BRD4: variants seen among roughly 807,000 people sequenced by gnomAD.
BRD4 encodes the protein bromodomain containing 4.
A neutral mutation model predicts 142.1 loss-of-function variants in BRD4; 16 were observed. The observed-to-expected ratio is 0.11, with a 90% CI of 0.08 to 0.17. The LOEUF is 0.17. Ranked by LOEUF, BRD4 falls within the 10% of genes least tolerant of loss-of-function variation. BRD4 has a pLI of 1.00. For synonymous variants in BRD4, 833 were observed against 707.5 expected (o/e 1.18, Z -2.82); for missense variants, 1,424 against 1,810.9 (o/e 0.79, Z 3.88).
intron 1 of BRD4, among the ~76,000 whole-genome samples, chr19:15,286,216 C>G (rs991265930): frequency 6.6e-6 from 1 of 152,308 alleles, no homozygotes; most frequent in Admixed American, 6.5e-5. Context: ...CCCTCCACCC[C>G]GAGCAGATGA....
intron 3 of BRD4, 131 bp downstream of exon 3, chr19:15,268,774 G>A (rs1265188947): frequency 2.1e-6 from 2 of 972,982 alleles, no homozygotes; most frequent in African/African-American, 3.3e-5. Context: ...CTACCTCCAA[G>A]GGTCTCCTCT....
chr19:15,312,098 C>T (rs750289539), intron 1 of BRD4, among the ~76,000 whole-genome samples: 2 of 152,148 alleles, frequency 1.3e-5, no homozygotes, highest in Non-Finnish European at 2.9e-5. Flanking sequence ...TGGGTTCAGC[C>T]GACATTCCTC....
intron 8 of BRD4, among the ~76,000 whole-genome samples, chr19:15,256,760 A>G (rs2047413589): frequency 6.6e-6 from 1 of 152,024 alleles, no homozygotes; most frequent in Admixed American, 6.6e-5. Context: ...CCCATCCCCA[A>G]CCGCAAGCTC....
At position 15,256,227 on chromosome 19, in the gene BRD4, G is replaced by A; in HGVS notation, c.1588C>T (p.Gln530Ter). The A allele has an allele frequency of 6.2e-7, 1 of 1,613,174 alleles. No homozygotes were observed. Among genetic ancestry groups the A allele is most frequent in the Non-Finnish European group, 8.5e-7 (1 of 1,179,980 alleles). The change falls in exon 9 of 20, where the codon CAG becomes TAG. Residue 530 changes from glutamine (Q) to a stop codon, truncating the protein, a stop_gained. Coordinates refer to ENST00000679869, the MANE Select transcript of BRD4 (RefSeq NM_001379291.1). LOFTEE classifies it high-confidence loss of function. ...TTCTTTGGTTTGTTCTGCTGGGGCT[G>A]AGAGAGGGCTGCAAGCTGCTCGTGC... is the stretch of plus-strand genomic sequence containing the variant. ...AVHEQLAALSQPQQNKPKKKE... is the reference protein window; with the variant it reads ...AVHEQLAALS
intron 1 of BRD4, among the ~76,000 whole-genome samples, chr19:15,320,730 G>C (rs977487977): frequency 1.3e-5 from 2 of 152,136 alleles, no homozygotes; most frequent in African/African-American, 4.8e-5. Flanking sequence ...TTCTATGCCT[G>C]ACACAGGTAA....
intron 1 of BRD4, among the ~76,000 whole-genome samples, chr19:15,312,798 G>T (rs1488109592): frequency 6.6e-6 from 1 of 152,130 alleles, no homozygotes; most frequent in African/African-American, 2.4e-5. Flanking sequence ...AGCCGGGCGT[G>T]GGGGCGCGTG....
intron 1 of BRD4, among the ~76,000 whole-genome samples, chr19:15,315,371 T>A (rs2048007915): frequency 6.6e-6 from 1 of 152,096 alleles, no homozygotes; most frequent in Non-Finnish European, 1.5e-5. Context: ...CTCACTGTCA[T>A]GTCTGCAGTG....
At chr19:15,271,958 A>ACACCAGTGGCTCTGGTGTGCACC (rs2047592748) in intron 2 of BRD4, among the ~76,000 whole-genome samples, 1 of 151,654 alleles carries the variant, frequency 6.6e-6, no homozygotes, top group Non-Finnish European at 1.5e-5. Flanking sequence ...TGGTGTGCAC[A>ACACCAGTGGCTCTGGTGTGCACC]CACCAGTCTG....
At chr19:15,311,857 A>G (rs2047973945) in intron 1 of BRD4, among the ~76,000 whole-genome samples, 1 of 152,208 alleles carries the variant, frequency 6.6e-6, no homozygotes, top group Admixed American at 6.5e-5. Context: ...GATTCTACTT[A>G]TATGAATAAC....
At chr19:15,301,432 G>A (rs1053948113) in intron 1 of BRD4, among the ~76,000 whole-genome samples, 3 of 151,998 alleles carry the variant, frequency 2.0e-5, no homozygotes, top group African/African-American at 7.3e-5. Flanking sequence ...ATGGTGGTGC[G>A]CACCTGTAAT....
Position 15,239,212 on chromosome 19 carries a change from G to A in BRD4, c.3629C>T (p.Pro1210Leu), listed in dbSNP as rs1489035830. 5 of 1,612,912 alleles carry A rather than the reference G, an allele frequency of 3.1e-6. No individual in the cohort carries two copies. Among genetic ancestry groups the A allele is most frequent in the Non-Finnish European group, 3.4e-6 (4 of 1,180,020 alleles). ...GSWASLVQKH[P>L]TTPSSTAKSS... ...CTTGGCTGTGGAGGAGGGGGTGGTC[G>A]GATGCTTCTGCACTAGGCTGGCCCA... Residue 1210 changes from proline (P) to leucine (L), a missense_variant, in exon 18 of 20, where the codon CCG (proline) becomes CTG (leucine). By Grantham distance (98) the Pro-to-Leu change is moderately conservative. Coordinates refer to ENST00000679869, the MANE Select transcript of BRD4 (RefSeq NM_001379291.1). This position sits in a 1 kb window ranked among gnomAD's most constrained non-coding sequence, Gnocchi z 7.4.
At position 15,239,282 on chromosome 19, in the gene BRD4, T is replaced by TG; in HGVS notation, c.3577-19dup. On this transcript the variant is annotated intron_variant, in intron 17 of 19. Coordinates refer to ENST00000679869, the MANE Select transcript of BRD4 (RefSeq NM_001379291.1). This position sits in a 1 kb window ranked among gnomAD's most constrained non-coding sequence, Gnocchi z 7.4. ...TTCAGGTCCTGCAGAACAGAGAGGT[T>TG]GGGGTGGGTGAGGGGTCTGCTGTGC... The TG allele has an allele frequency of 6.2e-7, 1 of 1,612,304 alleles. No homozygotes were observed. Among genetic ancestry groups the TG allele is most frequent in the East Asian group, 2.2e-5 (1 of 44,810 alleles).
intron 14 of BRD4, among the ~76,000 whole-genome samples, chr19:15,240,609 G>C (rs866622895): frequency 6.6e-6 from 1 of 152,226 alleles, no homozygotes; most frequent in African/African-American, 2.4e-5. Flanking sequence ...GTGGGGAGCA[G>C]GCGGAAAAGG....
At chr19:15,268,465 C>T (rs773428738) in intron 3 of BRD4, among the ~76,000 whole-genome samples, 4 of 147,052 alleles carry the variant, frequency 2.7e-5, no homozygotes, top group East Asian at 2.0e-4. Flanking sequence ...AGCTCTGCGC[C>T]GGCCCCATCA....
Position 15,243,196 on chromosome 19 carries a change from AG to A in BRD4, c.2872del (p.Leu958CysfsTer110). 5.8e-4 allele frequency: 21 copies of A among 36,066 alleles called. No homozygotes were observed. The highest frequency in any genetic ancestry group is 8.2e-4 in the Non-Finnish European group (19 of 23,036). The allele number at this position is 36,066 out of a possible 1,614,324, so 2.2% of individuals were successfully genotyped here. Reference sequence around the variant, plus strand: ...CACAGAGGGGTGGGGTGGGGGCGGCAGGGGGGGTGGGGGCTGGGACTGCACC... The same window carrying A: ...CACAGAGGGGTGGGGTGGGGGCGGCAGGGGGGTGGGGGCTGGGACTGCACC... ...VKVQSQPPPP[L>X]PPPPHPSVQQ... On this transcript the variant is annotated frameshift_variant, in exon 14 of 20. Coordinates refer to ENST00000679869, the MANE Select transcript of BRD4 (RefSeq NM_001379291.1). LOFTEE classifies it high-confidence loss of function.
chr19:15,262,930 AC>A (rs1370870577), intron 7 of BRD4, among the ~76,000 whole-genome samples: 1 of 152,074 alleles, frequency 6.6e-6, no homozygotes, highest in Non-Finnish European at 1.5e-5. Flanking sequence ...ACTGTGCACC[AC>A]CCAGGCTCTC....
intron 1 of BRD4, among the ~76,000 whole-genome samples, chr19:15,276,489 G>A (rs998217535): frequency 6.6e-6 from 1 of 151,866 alleles, no homozygotes; most frequent in Non-Finnish European, 1.5e-5. Flanking sequence ...TGCAGACATA[G>A]GCTCACAGAC....
At chr19:15,276,490 G>C (rs1029651456) in intron 1 of BRD4, among the ~76,000 whole-genome samples, 2 of 151,948 alleles carry the variant, frequency 1.3e-5, no homozygotes, top group Admixed American at 6.6e-5. Context: ...GCAGACATAG[G>C]CTCACAGACT....
In BRD4 at chr19:15,295,736, C is replaced by T. The variant is rs1443829875; in HGVS notation, c.-34-22603G>A. On this transcript the variant is annotated intron_variant, in intron 1 of 19. Coordinates refer to ENST00000679869, the MANE Select transcript of BRD4 (RefSeq NM_001379291.1). The stretch of plus-strand genomic sequence containing the variant: ...CTGTAATCGCAGCACTTTGGGAGGC[C>T]GAGGCAGGTGGATCACCTGAGGTCA... 5.3e-5 allele frequency among the ~76,000 whole-genome samples: 8 copies of T among 152,204 alleles called. No homozygotes were observed. In the East Asian group the frequency reaches 5.8e-4, roughly 11 times the overall value.
Sources: allele counts gnomAD v4.1 joint callset (sites outside exome capture counted in the v4.1 genomes callset), GRCh38; gene constraint gnomAD v4.1.1; non-coding constraint Gnocchi (gnomAD v3.1); transcripts MANE v1.5; gene names NCBI Gene and HGNC (gene_info 2026-07-23, HGNC 2026-07-21).